Variants in GPR141 observed in about 807,000 individuals in gnomAD.
GPR141 encodes G protein-coupled receptor 141.
A neutral mutation model predicts 6.8 loss-of-function variants in GPR141; 6 were observed. The observed-to-expected ratio is 0.88, with a 90% CI of 0.48 to 1.74. The LOEUF is 1.74. GPR141 is among the 40% of genes most tolerant of loss of function. GPR141 has a pLI of 0.01. For missense variants in GPR141, 372 were observed against 372.9 expected, an observed-to-expected ratio of 1.00 and a Z score of 0.02; for synonymous variants, 140 against 142.3, an observed-to-expected ratio of 0.98 and a Z score of 0.11.
At chr7:37,716,081 G>T (rs942319679) in intron 2 of GPR141, among the ~76,000 whole-genome samples, 1 of 152,210 alleles carries the variant, frequency 6.6e-6, no homozygotes, top group African/African-American at 2.4e-5. Context: ...TGAAATGGAA[G>T]TGGCAGGCTT....
intron 2 of GPR141, among the ~76,000 whole-genome samples, chr7:37,722,952 TTCC>T (rs1345397986): frequency 6.9e-6 from 1 of 145,444 alleles, no homozygotes. Flanking sequence ...CCTTCCTTCC[TTCC>T]TTCCTTCCTT....
At chr7:37,695,063 G>T (rs935151931) in intron 2 of GPR141, among the ~76,000 whole-genome samples, 1 of 152,188 alleles carries the variant, frequency 6.6e-6, no homozygotes, top group African/African-American at 2.4e-5. Flanking sequence ...CCAAAGCAAG[G>T]TTTCCCTAGG....
intron 2 of GPR141, among the ~76,000 whole-genome samples, chr7:37,686,589 A>G (rs1042672125): frequency 6.6e-6 from 1 of 152,154 alleles, no homozygotes; most frequent in African/African-American, 2.4e-5. Flanking sequence ...ACCCATAATA[A>G]GTACCCAGCA....
At chr7:37,723,427 A>C (rs941728663) in intron 2 of GPR141, among the ~76,000 whole-genome samples, 1 of 152,146 alleles carries the variant, frequency 6.6e-6, no homozygotes, top group African/African-American at 2.4e-5. Context: ...GAAAAAAAAA[A>C]AGTGAATGGC....
intron 2 of GPR141, among the ~76,000 whole-genome samples, chr7:37,730,275 C>T (rs1401944356): frequency 6.6e-6 from 1 of 152,122 alleles, no homozygotes; most frequent in African/African-American, 2.4e-5. Flanking sequence ...AAATTCTGAG[C>T]TACGGCACAT....
intron 2 of GPR141, among the ~76,000 whole-genome samples, chr7:37,709,438 G>A (rs1810688537): frequency 6.6e-6 from 1 of 152,140 alleles, no homozygotes; most frequent in South Asian, 2.1e-4. Context: ...TATAGTATAT[G>A]TATTTTGTAC....
In GPR141 at chr7:37,741,475, T is replaced by C. The variant is rs1812561493; in HGVS notation, c.*164T>C. On this transcript the variant is annotated 3_prime_UTR_variant, in exon 3 of 3. Coordinates refer to ENST00000334425, the MANE Select transcript of GPR141 (RefSeq NM_001381946.1). ...AGCCCTCATTGTAGTCCTTATGGGA[T>C]CCCTCCCATCTCTGAGTGATGGCCG... 1.7e-6 allele frequency: 1 copy of C among 572,756 alleles called. No individual in the cohort carries two copies. Among genetic ancestry groups the C allele is most frequent in the Admixed American group, 3.4e-5 (1 of 29,418 alleles). 35.5% of individuals were successfully genotyped at this position (572,756 alleles called of 1,614,324 possible). A position where few individuals can be genotyped will look rare whatever the true frequency, so the allele number is the denominator to read the frequency against.
intron 2 of GPR141, among the ~76,000 whole-genome samples, chr7:37,703,508 T>C (rs913564655): frequency 6.6e-6 from 1 of 152,216 alleles, no homozygotes. Flanking sequence ...TTAACCTCCA[T>C]GTGACTTCCT....
chr7:37,704,210 CTG>C (rs1279530461), intron 2 of GPR141, among the ~76,000 whole-genome samples: 2 of 151,620 alleles, frequency 1.3e-5, no homozygotes, highest in Admixed American at 6.6e-5. Flanking sequence ...AGTAAGTAGA[CTG>C]TGTCTTTCTC....
At chr7:37,725,840 G>GTT (rs369088054) in intron 2 of GPR141, among the ~76,000 whole-genome samples, 2 of 143,042 alleles carry the variant, frequency 1.4e-5, no homozygotes, top group African/African-American at 2.5e-5. Context: ...TGTTTGCTTT[G>GTT]TTTTTTTTTT....
At chr7:37,732,321 A>T (rs978618389) in intron 2 of GPR141, among the ~76,000 whole-genome samples, 1 of 151,096 alleles carries the variant, frequency 6.6e-6, no homozygotes, top group African/African-American at 2.4e-5. Context: ...ACAACCTATT[A>T]CCTAGGCTAG....
intron 2 of GPR141, among the ~76,000 whole-genome samples, chr7:37,722,266 C>T (rs140868291): frequency 8.6e-4 from 131 of 152,260 alleles, no homozygotes; most frequent in Middle Eastern, 3.4e-3. Flanking sequence ...GAGACATCCA[C>T]TTGATGAGAT....
chr7:37,694,487 C>T (rs1008471506), intron 2 of GPR141, among the ~76,000 whole-genome samples: 21 of 152,244 alleles, frequency 1.4e-4, no homozygotes, highest in African/African-American at 4.6e-4. Context: ...AGCTGTTCTG[C>T]TGAAGAACTG....
chr7:37,740,607 C>A lies in GPR141; in HGVS notation c.214C>A (p.Arg72Ser). 6.2e-7 allele frequency: 1 copy of A among 1,614,060 alleles called. No individual in the cohort carries two copies. Among genetic ancestry groups the A allele is most frequent in the Non-Finnish European group, 8.5e-7 (1 of 1,179,952 alleles). ...CGTTTTTCTGCTGACAGTGCCATTT[C>A]GCTTGACCTACCTCATCAAGAAGAC... Reference protein sequence around the residue: ...HSVFLLTVPFRLTYLIKKTWM... With the variant: ...HSVFLLTVPFSLTYLIKKTWM... Residue 72 changes from arginine (R) to serine (S), a missense_variant, in exon 3 of 3, where the codon CGC becomes AGC. Physicochemically the swap from Arg to Ser is moderately radical, Grantham distance 110. Coordinates refer to ENST00000334425, the MANE Select transcript of GPR141 (RefSeq NM_001381946.1).
At chr7:37,693,122 T>C (rs899062162) in intron 2 of GPR141, among the ~76,000 whole-genome samples, 2 of 152,226 alleles carry the variant, frequency 1.3e-5, no homozygotes, top group Non-Finnish European at 2.9e-5. Flanking sequence ...TCTTCTAGGG[T>C]TTTTATGGTT....
At chr7:37,716,362 T>C (rs1411661937) in intron 2 of GPR141, among the ~76,000 whole-genome samples, 1 of 152,138 alleles carries the variant, frequency 6.6e-6, no homozygotes, top group Admixed American at 6.6e-5. Context: ...TACTTTTTGG[T>C]ACAAATAATG....
At chr7:37,730,267 A>C (rs922989543) in intron 2 of GPR141, among the ~76,000 whole-genome samples, 10 of 152,130 alleles carry the variant, frequency 6.6e-5, no homozygotes, top group Non-Finnish European at 1.5e-4. Context: ...CATGTTCCAA[A>C]TTCTGAGCTA....
chr7:37,711,254 C>T (rs1810781201), intron 2 of GPR141, among the ~76,000 whole-genome samples: 2 of 152,182 alleles, frequency 1.3e-5, no homozygotes, highest in African/African-American at 4.8e-5. Flanking sequence ...GACTCTGTTT[C>T]AACAGGTCTG....
At chr7:37,715,622 TAGA>T (rs1811012610) in intron 2 of GPR141, among the ~76,000 whole-genome samples, 1 of 152,318 alleles carries the variant, frequency 6.6e-6, no homozygotes, top group African/African-American at 2.4e-5. Flanking sequence ...GCAAACTGCA[TAGA>T]TCTCTAATTT....
Sources: gnomAD v4.1 joint callset for allele counts (sites outside exome capture counted in the v4.1 genomes callset) on GRCh38, gnomAD v4.1.1 for gene constraint, MANE v1.5 for transcripts, NCBI Gene and HGNC (gene_info 2026-07-23, HGNC 2026-07-21) for gene names.